Variants in CD302 observed in about 807,000 individuals in gnomAD.
The protein encoded by CD302 is CD302 antigen.
In CD302, 23 loss-of-function variants were observed where a neutral mutation model predicts 26.5. That is an observed-to-expected ratio of 0.87 (90% CI 0.62 to 1.23). CD302 has a LOEUF of 1.23. Among genes scored for constraint, CD302 ranks in the 50% most tolerant of loss-of-function variants. The pLI, the probability that CD302 is intolerant of heterozygous loss-of-function variation, is 0.00. For missense variants in CD302, 290 were observed against 275.5 expected (o/e 1.05, Z -0.37); for synonymous variants, 90 against 99.4 (o/e 0.91, Z 0.56).
At chr2:159,797,232 G>GGA (rs1553796270) in intron 1 of CD302, among the ~76,000 whole-genome samples, 1 of 116,348 alleles carries the variant, frequency 8.6e-6, no homozygotes, top group South Asian at 3.3e-4. Flanking sequence ...TGGGGGGGGG[G>GGA]AATCTCTTGC....
intron 1 of CD302, among the ~76,000 whole-genome samples, chr2:159,797,054 C>T (rs1033304507): frequency 6.6e-6 from 1 of 152,138 alleles, no homozygotes; most frequent in South Asian, 2.1e-4. Context: ...GATGTCACAA[C>T]CAGTCATAAA....
Position 159,770,390 on chromosome 2 carries a change from T to C in CD302, c.*1461A>G, listed in dbSNP as rs565891187. On this transcript the variant is annotated 3_prime_UTR_variant, in exon 6 of 6. Transcript: ENST00000259053. ...TAGTTTTCTATCACTTTTTAGTTAC[T>C]CATGTCTCATTAATGATAGTGCCAT... is the stretch of plus-strand genomic sequence containing the variant. 3 of 152,210 alleles carry C rather than the reference T, an allele frequency of 2.0e-5. No homozygotes were observed. The highest frequency in any genetic ancestry group is 4.4e-5 in the Non-Finnish European group (3 of 68,034). 9.4% of individuals were successfully genotyped at this position (152,210 alleles called of 1,614,324 possible).
intron 1 of CD302, among the ~76,000 whole-genome samples, chr2:159,790,259 G>C (rs776921869): frequency 6.6e-6 from 1 of 152,186 alleles, no homozygotes; most frequent in East Asian, 1.9e-4. Flanking sequence ...AAAATGCTAT[G>C]AGATGTAGGA....
chr2:159,787,008 A>G (rs1161626519), intron 1 of CD302, among the ~76,000 whole-genome samples: 1 of 152,192 alleles, frequency 6.6e-6, no homozygotes, highest in Non-Finnish European at 1.5e-5. Context: ...CTTTTGATAA[A>G]TGTTACTTTA....
chr2:159,792,235 A>G (rs1023264308), intron 1 of CD302, among the ~76,000 whole-genome samples: 1 of 152,122 alleles, frequency 6.6e-6, no homozygotes, highest in Admixed American at 6.5e-5. Flanking sequence ...ACTTCTACAC[A>G]GGGGTGCTTG....
At position 159,780,319 on chromosome 2, in the gene CD302, A is replaced by C. The variant is rs950852552; in HGVS notation, c.296-141T>G. 5.2e-6 allele frequency: 5 copies of C among 967,766 alleles called. No individual in the cohort carries two copies. In the African/African-American group the frequency reaches 8.2e-5, roughly 16 times the overall value. The allele number at this position is 967,766 out of a possible 1,614,324, so 59.9% of individuals were successfully genotyped here. A position where few individuals can be genotyped will look rare whatever the true frequency, so the allele number is the denominator to read the frequency against. ...TTGTAGGATTAAAATTAGAAGGAGG[A>C]ATATATCCTGTGTACAGCCAAATCA... On this transcript the variant is annotated intron_variant, in intron 3 of 5. Coordinates refer to ENST00000259053, the MANE Select transcript of CD302 (RefSeq NM_014880.5).
At chr2:159,792,915 C>T (rs545450383) in intron 1 of CD302, among the ~76,000 whole-genome samples, 7 of 152,096 alleles carry the variant, frequency 4.6e-5, no homozygotes, top group Non-Finnish European at 8.8e-5. Context: ...GAGTGTGTGC[C>T]CCAGAAACAA....
rs538273181 is a variant in CD302 at position 159,770,280 on chromosome 2, G to A, written c.*1571C>T. ...AATCACTATACAAAATCTCAGAAAT[G>A]TAAAGCTCTTACAGAGCATGCTTGT... On this transcript the variant is annotated 3_prime_UTR_variant, in exon 6 of 6. Coordinates refer to ENST00000259053, the MANE Select transcript of CD302 (RefSeq NM_014880.5). The A allele has an allele frequency of 6.6e-6, 1 of 152,274 alleles. No homozygotes were observed. Among genetic ancestry groups the A allele is most frequent in the African/African-American group, 2.4e-5 (1 of 41,554 alleles). The allele number at this position is 152,274 out of a possible 1,614,324, so 9.4% of individuals were successfully genotyped here. A position where few individuals can be genotyped will look rare whatever the true frequency, so the allele number is the denominator to read the frequency against.
chr2:159,775,505 CTG>C (rs1415611608), intron 5 of CD302, among the ~76,000 whole-genome samples: 3 of 152,182 alleles, frequency 2.0e-5, no homozygotes, highest in Admixed American at 6.5e-5. Flanking sequence ...AGTGAAAATA[CTG>C]TGCTCCTGCT....
rs1466934504 is a variant in CD302 at position 159,768,630 on chromosome 2, C to G, written c.*3221G>C. 4 of 152,710 alleles carry G rather than the reference C, an allele frequency of 2.6e-5. No homozygotes were observed. In the South Asian group the frequency reaches 6.2e-4, roughly 24 times the overall value. The allele number at this position is 152,710 out of a possible 1,614,324, so 9.5% of individuals were successfully genotyped here. On this transcript the variant is annotated 3_prime_UTR_variant, in exon 6 of 6. Transcript: ENST00000259053. ...GGTGCTCAAAGAAGACATCAGACTT[C>G]ATAACCAAGAATTTTATTACAATTT...
At position 159,769,927 on chromosome 2, in the gene CD302, G is replaced by A. The variant is rs1019251227; in HGVS notation, c.*1924C>T. 6.6e-6 allele frequency: 1 copy of A among 152,168 alleles called. No individual in the cohort carries two copies. The highest frequency in any genetic ancestry group is 1.5e-5 in the Non-Finnish European group (1 of 68,026). 9.4% of individuals were successfully genotyped at this position (152,168 alleles called of 1,614,324 possible). ...ACCTGTGATTTGAACACTTGACAAT[G>A]TGGCTAATGTAATTCGAAAACTGGA... is the stretch of plus-strand genomic sequence containing the variant. On this transcript the variant is annotated 3_prime_UTR_variant, in exon 6 of 6. Transcript: ENST00000259053.
intron 1 of CD302, among the ~76,000 whole-genome samples, chr2:159,785,846 C>G (rs922714227): frequency 6.6e-6 from 1 of 152,186 alleles, no homozygotes; most frequent in African/African-American, 2.4e-5. Context: ...TAACCACACA[C>G]CATCCAATGG....
chr2:159,780,803 G>C, intron 3 of CD302, 79 bp downstream of exon 3: 1 of 1,312,640 alleles, frequency 7.6e-7, no homozygotes, highest in Non-Finnish European at 1.1e-6. Flanking sequence ...ACTTGAACCA[G>C]AGAATTGAAA....
chr2:159,782,597 C>T (rs1041804035), intron 2 of CD302, among the ~76,000 whole-genome samples: 6 of 151,358 alleles, frequency 4.0e-5, no homozygotes, highest in Admixed American at 2.0e-4. Flanking sequence ...AGCTAGCGCA[C>T]GCCTGTAGTC....
Position 159,771,960 on chromosome 2 carries a change from G to C in CD302, c.590C>G (p.Ser197Cys). ...AIIWFLYKKH[S>C]DSRFTTVFST... Reference sequence around the variant, plus strand: ...AAAAACTGTGGTGAAACGAGAATCAGAATGTTTTTTGTACAGGAACCAAAT... The same window carrying C: ...AAAAACTGTGGTGAAACGAGAATCACAATGTTTTTTGTACAGGAACCAAAT... The change falls in exon 6 of 6, where the codon TCT (serine) becomes TGT (cysteine). Residue 197 changes from serine (S) to cysteine (C), a missense_variant. Coordinates refer to ENST00000259053, the MANE Select transcript of CD302 (RefSeq NM_014880.5). The C allele has an allele frequency of 3.7e-6, 6 of 1,613,986 alleles. No homozygotes were observed. Among genetic ancestry groups the C allele is most frequent in the Non-Finnish European group, 5.1e-6 (6 of 1,179,940 alleles).
At chr2:159,779,182 G>A (rs1381748828) in intron 4 of CD302, among the ~76,000 whole-genome samples, 1 of 101,748 alleles carries the variant, frequency 9.8e-6, no homozygotes, top group African/African-American at 3.3e-5. Context: ...AGTGAGCCAA[G>A]ATCGCGCCAC....
chr2:159,780,882 C>T lies in CD302; in HGVS notation c.295G>A (p.Asp99Asn). ...GTCCCACGAGGTAAATATCACTTACCATCTGTGTCATAAAACATGCCTAGT... is the reference window on the plus strand; with the variant it reads ...GTCCCACGAGGTAAATATCACTTACTATCTGTGTCATAAAACATGCCTAGT... ...ILLGMFYDTD[D>N]ASFKWFDNSN... Residue 99 changes from aspartate (D) to asparagine (N), a missense_variant and splice_region_variant, in exon 3 of 6, where the codon GAT becomes AAT. Physicochemically the swap from Asp to Asn is conservative, Grantham distance 23 (BLOSUM62 1). Transcript: ENST00000259053. 6.2e-7 allele frequency: 1 copy of T among 1,611,552 alleles called. No individual in the cohort carries two copies. Among genetic ancestry groups the T allele is most frequent in the Non-Finnish European group, 8.5e-7 (1 of 1,179,072 alleles).
intron 1 of CD302, among the ~76,000 whole-genome samples, chr2:159,784,795 T>C (rs1178520033): frequency 1.3e-5 from 2 of 152,146 alleles, no homozygotes; most frequent in African/African-American, 2.4e-5. Context: ...GCAGAGAGCA[T>C]TGGTTGTCCC....
At chr2:159,777,829 A>T in intron 5 of CD302, 109 bp downstream of exon 5, 1 of 537,196 alleles carries the variant, frequency 1.9e-6, no homozygotes, top group East Asian at 6.3e-5. Flanking sequence ...AAATTGTTCT[A>T]CTTTATATTA....
Sources: allele counts gnomAD v4.1 joint callset (sites outside exome capture counted in the v4.1 genomes callset), GRCh38; gene constraint gnomAD v4.1.1; transcripts MANE v1.5; gene names NCBI Gene and HGNC (gene_info 2026-07-23, HGNC 2026-07-21).